ARB2A: variants seen among roughly 807,000 people sequenced by gnomAD.
ARB2A encodes the protein ARB2 cotranscriptional regulator A.
the ARB2A span, among the ~76,000 whole-genome samples, chr5:93,948,512 A>C: frequency 3.9e-4 from 60 of 151,988 alleles, no homozygotes; most frequent in African/African-American, 4.8e-4. Flanking sequence ...TCTTTAGTTT[A>C]ATTAGATCCC....
the ARB2A span, among the ~76,000 whole-genome samples, chr5:94,083,971 C>G: frequency 1.3e-5 from 2 of 151,946 alleles, no homozygotes; most frequent in Middle Eastern, 6.8e-3. Flanking sequence ...TTTAATACAT[C>G]ATTAATAATA....
At chr5:93,686,539 G>A in the ARB2A span, among the ~76,000 whole-genome samples, 8 of 151,920 alleles carry the variant, frequency 5.3e-5, 1 homozygote, top group South Asian at 6.3e-4. Context: ...AAATCTTTAC[G>A]GCTTCCAGTC....
chr5:93,652,003 GGC>G, the ARB2A span, among the ~76,000 whole-genome samples: 9 of 152,056 alleles, frequency 5.9e-5, no homozygotes, highest in African/African-American at 2.2e-4. Context: ...CCCAAAAGAA[GGC>G]AGAAAAGGAG....
At chr5:93,691,563 G>C in the ARB2A span, among the ~76,000 whole-genome samples, 1 of 152,234 alleles carries the variant, frequency 6.6e-6, no homozygotes, top group East Asian at 1.9e-4. Flanking sequence ...TGGTGTACCT[G>C]AAAGTGACGG....
At chr5:94,047,718 A>G in the ARB2A span, among the ~76,000 whole-genome samples, 13,844 of 152,220 alleles carry the variant, frequency 0.091, 787 homozygotes, top group Middle Eastern at 0.16. Flanking sequence ...TATCCAAAGA[A>G]TTATGTATAA....
the ARB2A span, among the ~76,000 whole-genome samples, chr5:93,906,136 T>C: frequency 1.3e-5 from 2 of 151,554 alleles, no homozygotes; most frequent in African/African-American, 4.8e-5. Flanking sequence ...TCATATTTGC[T>C]CTCTTAAAAG....
the ARB2A span, among the ~76,000 whole-genome samples, chr5:93,996,761 A>G: frequency 2.0e-5 from 3 of 152,172 alleles, no homozygotes; most frequent in South Asian, 6.2e-4. Flanking sequence ...ATTTGTTGTT[A>G]TATTCTAGGA....
the ARB2A span, among the ~76,000 whole-genome samples, chr5:93,816,282 C>T: frequency 6.6e-5 from 10 of 152,248 alleles, no homozygotes; most frequent in East Asian, 1.9e-3. Flanking sequence ...CTATTATCAA[C>T]TGAAATGTGT....
At chr5:93,900,831 G>A in the ARB2A span, among the ~76,000 whole-genome samples, 3 of 151,938 alleles carry the variant, frequency 2.0e-5, no homozygotes, top group Non-Finnish European at 4.4e-5. Flanking sequence ...TTAAATTAAA[G>A]TATTTAACAG....
At chr5:93,918,865 T>C in the ARB2A span, among the ~76,000 whole-genome samples, 1 of 152,214 alleles carries the variant, frequency 6.6e-6, no homozygotes, top group Non-Finnish European at 1.5e-5. Flanking sequence ...GGCTGCACAT[T>C]GCCATCACCT....
chr5:93,891,072 G>A, the ARB2A span, among the ~76,000 whole-genome samples: 1 of 152,102 alleles, frequency 6.6e-6, no homozygotes, highest in South Asian at 2.1e-4. Flanking sequence ...GGGATTAGGA[G>A]AGAGTGAGTT....
chr5:93,917,632 C>A, the ARB2A span, among the ~76,000 whole-genome samples: 1 of 152,076 alleles, frequency 6.6e-6, no homozygotes, highest in Admixed American at 6.6e-5. Flanking sequence ...AATCCCAGCA[C>A]TTTGGAAGGC....
At chr5:94,024,306 G>T in the ARB2A span, among the ~76,000 whole-genome samples, 6 of 152,176 alleles carry the variant, frequency 3.9e-5, no homozygotes, top group Admixed American at 3.9e-4. Context: ...AAGCAAGAGG[G>T]AATTCTGCCA....
chr5:93,649,026 G>T, the ARB2A span, among the ~76,000 whole-genome samples: 1 of 152,058 alleles, frequency 6.6e-6, no homozygotes, highest in African/African-American at 2.4e-5. Context: ...ACAGAAAAAA[G>T]TAGAAAATAT....
the ARB2A span, among the ~76,000 whole-genome samples, chr5:93,983,842 T>C: frequency 2.0e-5 from 3 of 152,088 alleles, no homozygotes; most frequent in Admixed American, 6.5e-5. Flanking sequence ...AGAAAACACA[T>C]ATAACATTCA....
chr5:94,009,182 T>A, the ARB2A span, among the ~76,000 whole-genome samples: 1 of 152,068 alleles, frequency 6.6e-6, no homozygotes, highest in Non-Finnish European at 1.5e-5. Context: ...TTCAAACACT[T>A]TGGCCTCAAA....
chr5:93,873,717 G>C, the ARB2A span, among the ~76,000 whole-genome samples: 1 of 152,110 alleles, frequency 6.6e-6, no homozygotes, highest in African/African-American at 2.4e-5. Flanking sequence ...GCATATAATA[G>C]TGACCTTGTC....
At chr5:93,700,650 T>C in the ARB2A span, among the ~76,000 whole-genome samples, 1 of 152,124 alleles carries the variant, frequency 6.6e-6, no homozygotes, top group African/African-American at 2.4e-5. Flanking sequence ...AGGAAAATAC[T>C]GACCAGGCTT....
At chr5:93,795,697 T>C in the ARB2A span, among the ~76,000 whole-genome samples, 1 of 152,154 alleles carries the variant, frequency 6.6e-6, no homozygotes, top group African/African-American at 2.4e-5. Context: ...GACTCACTAA[T>C]AGCTAAGAGA....
Sources: gnomAD v4.1 joint callset for allele counts (sites outside exome capture counted in the v4.1 genomes callset) on GRCh38, gnomAD v4.1.1 for gene constraint, MANE v1.5 for transcripts, NCBI Gene and HGNC (gene_info 2026-07-23, HGNC 2026-07-21) for gene names.